Variants in ESYT2 observed in about 807,000 individuals in gnomAD.
The protein encoded by ESYT2 is extended synaptotagmin 2, also known as extended synaptotagmin-2.
Under a neutral mutation model 107.2 loss-of-function variants are expected in ESYT2, and 54 were observed. The observed-to-expected ratio is 0.50, with a 90% confidence interval of 0.40 to 0.63. The LOEUF (loss-of-function observed/expected upper bound fraction) is 0.63, where lower values mean the gene tolerates loss of function less well. ESYT2 is among the 30% of genes least tolerant of loss of function. The pLI, the probability that ESYT2 is intolerant of heterozygous loss-of-function variation, is 0.00. For synonymous variants in ESYT2, 491 were observed against 434.1 expected, an observed-to-expected ratio of 1.13 and a Z score of -1.63; for missense variants, 1,020 against 1,094.5, an observed-to-expected ratio of 0.93 and a Z score of 0.96.
chr7:158,736,356 A>G (rs570473445), intron 20 of ESYT2, among the ~76,000 whole-genome samples: 3 of 152,370 alleles, frequency 2.0e-5, no homozygotes, highest in East Asian at 1.9e-4. Context: ...GCGACACCAT[A>G]CAACTGTATT....
chr7:158,761,442 G>A, intron 11 of ESYT2, 54 bp downstream of exon 11: 1 of 1,557,540 alleles, frequency 6.4e-7, no homozygotes, highest in Non-Finnish European at 8.9e-7. Flanking sequence ...CTCTGGCACA[G>A]GGCAGGGACT....
At chr7:158,743,467 G>A (rs919180548) in intron 17 of ESYT2, 62 bp downstream of exon 17, 8 of 1,561,070 alleles carry the variant, frequency 5.1e-6, no homozygotes, top group African/African-American at 2.8e-5. Context: ...GGGCCCATGA[G>A]TATCCCTGCC....
chr7:158,782,880 G>A (rs1335312553), intron 6 of ESYT2, among the ~76,000 whole-genome samples: 2 of 152,016 alleles, frequency 1.3e-5, no homozygotes, highest in Admixed American at 6.6e-5. Flanking sequence ...GTGTGGGAAG[G>A]ACAAAATGGG....
chr7:158,799,202 A>G (rs1377517069), intron 1 of ESYT2, 130 bp from the exon 2 acceptor site: 1 of 781,050 alleles, frequency 1.3e-6, no homozygotes, highest in Admixed American at 2.6e-5. Flanking sequence ...ACTCTGCTCT[A>G]AAGCTTGGGA....
At chr7:158,817,188 G>A (rs556374507) in intron 1 of ESYT2, among the ~76,000 whole-genome samples, 1 of 152,280 alleles carries the variant, frequency 6.6e-6, no homozygotes, top group Admixed American at 6.5e-5. Context: ...AGGGGGTGGG[G>A]CATCGGACAC....
At chr7:158,826,201 G>A (rs181817342) in intron 1 of ESYT2, among the ~76,000 whole-genome samples, 1 of 152,266 alleles carries the variant, frequency 6.6e-6, no homozygotes, top group East Asian at 1.9e-4. Context: ...TGAAAATAAA[G>A]TATATTACAC....
chr7:158,757,535 C>T (rs1344727536), intron 13 of ESYT2, among the ~76,000 whole-genome samples: 2 of 151,670 alleles, frequency 1.3e-5, no homozygotes, highest in Admixed American at 6.6e-5. Flanking sequence ...CCAAAGGATC[C>T]CAGAGCTCGC....
At position 158,829,113 on chromosome 7, in the gene ESYT2, C is replaced by T. The variant is rs1723554958; in HGVS notation, c.306G>A (p.Val102=). Residue 102 remains valine (V), a synonymous_variant, in exon 1 of 23, where the codon GTG becomes GTA. Coordinates refer to ENST00000275418, the MANE Select transcript of ESYT2 (RefSeq NM_001367773.1). ...EDEERVVRLG[V]RACDLPAWVH... ...CCCAGGCGGGCAGGTCGCAGGCGCG[C>T]ACCCCCAGGCGCACGACGCGCTCCT... 1 of 1,579,612 alleles carries T rather than the reference C, an allele frequency of 6.3e-7. No homozygotes were observed.
intron 6 of ESYT2, among the ~76,000 whole-genome samples, chr7:158,781,899 G>A (rs1348015194): frequency 6.6e-6 from 1 of 151,412 alleles, no homozygotes; most frequent in African/African-American, 2.4e-5. Flanking sequence ...GAGAACAAGT[G>A]TGAGTGAACG....
chr7:158,803,766 C>G (rs1028611485), intron 1 of ESYT2, among the ~76,000 whole-genome samples: 39 of 150,982 alleles, frequency 2.6e-4, no homozygotes, highest in Non-Finnish European at 5.2e-4. Context: ...CGCGACAAAC[C>G]CAAACCGCCG....
intron 6 of ESYT2, among the ~76,000 whole-genome samples, chr7:158,779,698 C>A (rs1367347159): frequency 6.6e-6 from 1 of 152,238 alleles, no homozygotes; most frequent in Non-Finnish European, 1.5e-5. Flanking sequence ...ACCGTCCAAT[C>A]TGCTCCTGTC....
In ESYT2 at chr7:158,740,785, G is replaced by C. The variant is rs534668396; in HGVS notation, c.2168+738C>G. ...AGAAAAAAGTGAGTGTGGCTCAGAG[G>C]AGGGCGGCTGTGCAAGCTCCACAGT... On this transcript the variant is annotated intron_variant, in intron 18 of 22. Coordinates refer to ENST00000275418, the MANE Select transcript of ESYT2 (RefSeq NM_001367773.1). 6.6e-5 allele frequency among the ~76,000 whole-genome samples: 10 copies of C among 152,268 alleles called. No homozygotes were observed. In the South Asian group the frequency reaches 1.9e-3, roughly 28 times the overall value.
Position 158,798,095 on chromosome 7 carries a change from TCA to T in ESYT2, c.373-21_373-20del. On this transcript the variant is annotated intron_variant, in intron 2 of 22. Coordinates refer to ENST00000275418, the MANE Select transcript of ESYT2 (RefSeq NM_001367773.1). ...TTACAGTCTGGAAAGGAAAAAGAAC[TCA>T]GTTTAAACAAAATGCTATATAATGC... The T allele has an allele frequency of 6.2e-7, 1 of 1,613,870 alleles. No homozygotes were observed.
intron 18 of ESYT2, 70 bp from the exon 19 acceptor site, chr7:158,739,191 G>C: frequency 7.8e-7 from 1 of 1,279,960 alleles, no homozygotes; most frequent in Non-Finnish European, 1.1e-6. Context: ...TTGGTCCACT[G>C]TACACGATAA....
intron 6 of ESYT2, among the ~76,000 whole-genome samples, chr7:158,775,139 G>A (rs1354118036): frequency 6.6e-6 from 1 of 152,146 alleles, no homozygotes; most frequent in African/African-American, 2.4e-5. Context: ...ACTTAAGTGT[G>A]CAATAGCATT....
chr7:158,788,509 G>A, intron 4 of ESYT2, 92 bp from the exon 5 acceptor site: 1 of 1,108,090 alleles, frequency 9.0e-7, no homozygotes, highest in Non-Finnish European at 1.3e-6. Flanking sequence ...TGAATAAAAT[G>A]ATAGTAAAGC....
In ESYT2 at chr7:158,777,043, A is replaced by T. The variant is rs531120628; in HGVS notation, c.748-3647T>A. ...AATTTTTGTATTTTTTTTTTTTTTAAGTAGAGAGGTGTTTTCACTATGTTG... is the reference window on the plus strand; with the variant it reads ...AATTTTTGTATTTTTTTTTTTTTTATGTAGAGAGGTGTTTTCACTATGTTG... On this transcript the variant is annotated intron_variant, in intron 6 of 22. Coordinates refer to ENST00000275418, the MANE Select transcript of ESYT2 (RefSeq NM_001367773.1). Among the ~76,000 whole-genome samples the T allele has an allele frequency of 7.2e-4, 108 of 150,244 alleles. 1 individual carries two copies. Among genetic ancestry groups the T allele is most frequent in the South Asian group, 7.2e-3 (34 of 4,742 alleles).
intron 14 of ESYT2, among the ~76,000 whole-genome samples, chr7:158,751,822 G>A (rs1259151717): frequency 6.6e-6 from 1 of 152,148 alleles, no homozygotes; most frequent in African/African-American, 2.4e-5. Context: ...CAGCCTTAAC[G>A]TTATGTTCTC....
chr7:158,821,677 C>T (rs1840289367), intron 1 of ESYT2, among the ~76,000 whole-genome samples: 1 of 152,194 alleles, frequency 6.6e-6, no homozygotes, highest in South Asian at 2.1e-4. Flanking sequence ...TCTAGTGGGA[C>T]CACTTCCTTT....
Sources: gnomAD v4.1 joint callset for allele counts (sites outside exome capture counted in the v4.1 genomes callset) on GRCh38, gnomAD v4.1.1 for gene constraint, MANE v1.5 for transcripts, NCBI Gene and HGNC (gene_info 2026-07-23, HGNC 2026-07-21) for gene names.